LRRTM4: variants seen among roughly 807,000 people sequenced by gnomAD.
The protein encoded by LRRTM4 is leucine rich repeat transmembrane neuronal 4, also known as leucine-rich repeat transmembrane neuronal protein 4.
Under a neutral mutation model 47.6 loss-of-function variants are expected in LRRTM4, and 25 were observed. The ratio of observed to expected loss-of-function variants is 0.53; its 90% confidence interval spans 0.38 to 0.73. LRRTM4 has a LOEUF of 0.73. Ranked by LOEUF, LRRTM4 falls within the 30% of genes least tolerant of loss-of-function variation. The pLI is 0.00. For synonymous variants in LRRTM4, 311 were observed against 269.5 expected, an observed-to-expected ratio of 1.15 and a Z score of -1.51; for missense variants, 638 against 713.4, an observed-to-expected ratio of 0.89 and a Z score of 1.20.
intron 3 of LRRTM4, among the ~76,000 whole-genome samples, chr2:77,035,622 A>C (rs2104156709): frequency 6.6e-6 from 1 of 152,034 alleles, no homozygotes; most frequent in South Asian, 2.1e-4. Context: ...TAATTTTATA[A>C]ATATCAAATT....
At chr2:77,046,299 C>G (rs939989766) in intron 3 of LRRTM4, among the ~76,000 whole-genome samples, 3 of 152,110 alleles carry the variant, frequency 2.0e-5, no homozygotes, top group Admixed American at 2.0e-4. Flanking sequence ...CTCATTCACA[C>G]TAGTCTGTGA....
chr2:77,355,533 G>T (rs965401362), intron 3 of LRRTM4, among the ~76,000 whole-genome samples: 2 of 152,084 alleles, frequency 1.3e-5, no homozygotes, highest in Non-Finnish European at 2.9e-5. Flanking sequence ...GCTATCACTG[G>T]AGAACAATAC....
At chr2:77,107,524 T>A (rs116604144) in intron 3 of LRRTM4, among the ~76,000 whole-genome samples, 1,979 of 152,122 alleles carry the variant, frequency 0.013, 41 homozygotes, top group African/African-American at 0.045. Context: ...TAGCAAGTGA[T>A]TAAAAATAAC....
chr2:76,896,164 G>A (rs962302615), intron 3 of LRRTM4, among the ~76,000 whole-genome samples: 10 of 151,966 alleles, frequency 6.6e-5, no homozygotes, highest in Non-Finnish European at 1.2e-4. Flanking sequence ...AGTATTTAAA[G>A]TGTCTTACAC....
At chr2:77,483,996 G>T (rs974479851) in intron 3 of LRRTM4, among the ~76,000 whole-genome samples, 11 of 152,160 alleles carry the variant, frequency 7.2e-5, no homozygotes, top group African/African-American at 2.7e-4. Flanking sequence ...CAGTAACTCA[G>T]TCTTACAAAG....
intron 3 of LRRTM4, among the ~76,000 whole-genome samples, chr2:76,917,212 T>C (rs1383963609): frequency 2.0e-5 from 3 of 152,176 alleles, no homozygotes; most frequent in African/African-American, 7.2e-5. Context: ...CATGGCTACA[T>C]TGTTTTAAAT....
At chr2:76,916,848 T>C (rs959649955) in intron 3 of LRRTM4, among the ~76,000 whole-genome samples, 1 of 152,238 alleles carries the variant, frequency 6.6e-6, no homozygotes, top group African/African-American at 2.4e-5. Context: ...ATTCATCTAG[T>C]TATTTCCAGC....
chr2:77,053,255 G>A (rs1180215297), intron 3 of LRRTM4, among the ~76,000 whole-genome samples: 1 of 152,098 alleles, frequency 6.6e-6, no homozygotes, highest in Non-Finnish European at 1.5e-5. Context: ...ACTGATCACT[G>A]CAAATACTTA....
intron 3 of LRRTM4, among the ~76,000 whole-genome samples, chr2:76,859,286 T>G: frequency 6.6e-6 from 1 of 152,110 alleles, no homozygotes; most frequent in Admixed American, 6.6e-5. Context: ...TATATTCTTT[T>G]TTTTTCCTCA....
chr2:76,905,053 G>T (rs1164396873), intron 3 of LRRTM4, among the ~76,000 whole-genome samples: 1 of 152,074 alleles, frequency 6.6e-6, no homozygotes, highest in Non-Finnish European at 1.5e-5. Context: ...CCTCAAGTGG[G>T]TCTCTGACCC....
chr2:77,503,059 C>G (rs1678635420), intron 3 of LRRTM4, among the ~76,000 whole-genome samples: 1 of 149,118 alleles, frequency 6.7e-6, no homozygotes, highest in Non-Finnish European at 1.5e-5. Flanking sequence ...TTTTTTTTAG[C>G]TTATATTTTG....
rs189608725 is a variant in LRRTM4 at position 77,050,709 on chromosome 2, C to A, written c.1552-301793G>T. On this transcript the variant is annotated intron_variant, in intron 3 of 3. Coordinates refer to ENST00000409884, the MANE Select transcript of LRRTM4 (RefSeq NM_001134745.3). The stretch of plus-strand genomic sequence containing the variant: ...TACATCCTTCACCTATTTCTTTTTG[C>A]TAGCTGTGTGATCTTGGCATTACTT... Among the ~76,000 whole-genome samples the A allele has an allele frequency of 2.1e-3, 313 of 152,198 alleles. 7 individuals are homozygous for A. The highest frequency in any genetic ancestry group is 7.3e-3 in the African/African-American group (303 of 41,546).
chr2:77,438,619 G>A (rs1455489735), intron 3 of LRRTM4, among the ~76,000 whole-genome samples: 2 of 151,982 alleles, frequency 1.3e-5, no homozygotes, highest in African/African-American at 4.8e-5. Context: ...TGTTAGCCAG[G>A]ATGGTCTCGA....
intron 3 of LRRTM4, among the ~76,000 whole-genome samples, chr2:76,846,359 A>G (rs1332483097): frequency 1.3e-5 from 2 of 152,148 alleles, no homozygotes; most frequent in African/African-American, 4.8e-5. Flanking sequence ...GGTGCCATAA[A>G]CAAACTTCAC....
intron 3 of LRRTM4, among the ~76,000 whole-genome samples, chr2:76,769,398 T>G (rs1673589627): frequency 6.6e-6 from 1 of 152,198 alleles, no homozygotes; most frequent in Non-Finnish European, 1.5e-5. Context: ...TGCCTTAGTC[T>G]GTGTTTTCTG....
intron 3 of LRRTM4, among the ~76,000 whole-genome samples, chr2:77,340,489 G>A (rs1211605213): frequency 1.3e-5 from 2 of 151,796 alleles, no homozygotes; most frequent in Non-Finnish European, 2.9e-5. Context: ...TCCACATTTG[G>A]AACATCAAAT....
In LRRTM4 at chr2:77,028,953, T is replaced by G. The variant is rs550149777; in HGVS notation, c.1552-280037A>C. Among the ~76,000 whole-genome samples, 527 of 150,950 alleles carry G rather than the reference T, an allele frequency of 3.5e-3. 6 individuals are homozygous for G. The highest frequency in any genetic ancestry group is 0.012 in the African/African-American group (476 of 41,072). ...GGGAGGCTGAGGCAGGAGAATGGTGTGAACCCGGGAGGCGGAGCTTGCAGT... is the reference window on the plus strand; with the variant it reads ...GGGAGGCTGAGGCAGGAGAATGGTGGGAACCCGGGAGGCGGAGCTTGCAGT... On this transcript the variant is annotated intron_variant, in intron 3 of 3. Coordinates refer to ENST00000409884, the MANE Select transcript of LRRTM4 (RefSeq NM_001134745.3).
intron 3 of LRRTM4, among the ~76,000 whole-genome samples, chr2:76,791,941 C>A (rs1674997886): frequency 6.6e-6 from 1 of 152,120 alleles, no homozygotes; most frequent in Admixed American, 6.5e-5. Context: ...ACTAGCTTAG[C>A]CTATCACCCA....
chr2:76,811,720 T>C (rs80209204), intron 3 of LRRTM4, among the ~76,000 whole-genome samples: 2,370 of 152,286 alleles, frequency 0.016, 54 homozygotes, highest in African/African-American at 0.05. Flanking sequence ...AAGGGTCCCA[T>C]GTTTGCTCTA....
Sources: allele counts gnomAD v4.1 joint callset (sites outside exome capture counted in the v4.1 genomes callset), GRCh38; gene constraint gnomAD v4.1.1; transcripts MANE v1.5; gene names NCBI Gene and HGNC (gene_info 2026-07-23, HGNC 2026-07-21).